The following VTI1A variants were observed in gnomAD, a reference collection of about 807,000 sequenced individuals.
VTI1A encodes vesicle transport through interaction with t-SNAREs homolog 1A.
A neutral mutation model predicts 34.9 loss-of-function variants in VTI1A; 22 were observed. That is an observed-to-expected ratio of 0.63 (90% CI 0.45 to 0.90). The LOEUF (loss-of-function observed/expected upper bound fraction) is 0.90, where lower values mean the gene tolerates loss of function less well. Among genes scored for constraint, VTI1A ranks in the 40% least tolerant of loss-of-function variants. VTI1A has a pLI of 0.00. For synonymous variants in VTI1A, 87 were observed against 97.3 expected (o/e 0.89, Z 0.62); for missense variants, 268 against 275.6 (o/e 0.97, Z 0.20).
chr10:112,618,522 T>TAGAGAGAGAGAGAGAGAGAGAG (rs1350356577), intron 5 of VTI1A, among the ~76,000 whole-genome samples: 18 of 43,668 alleles, frequency 4.1e-4, no homozygotes, highest in African/African-American at 1.1e-3. Flanking sequence ...TATATATATA[T>TAGAGAGAGAGAGAGAGAGAGAG]ATAGAGAGAG....
rs975663069 is a variant in VTI1A at position 112,767,697 on chromosome 10, G to A, written c.561-47593G>A. 6.8e-6 allele frequency among the ~76,000 whole-genome samples: 1 copy of A among 147,372 alleles called. No homozygotes were observed. The highest frequency in any genetic ancestry group is 1.5e-5 in the Non-Finnish European group (1 of 66,794). The stretch of plus-strand genomic sequence containing the variant: ...TCTTCCTTACTCTTTTTTTTTTTCT[G>A]TTTCTCTGTATTCTCCCAATTTTCT... On this transcript the variant is annotated intron_variant, in intron 7 of 7. Transcript: ENST00000393077. The surrounding 1 kb of genome is among the most constrained non-coding windows in gnomAD (Gnocchi z 4.0).
At chr10:112,751,503 G>T (rs1851106787) in intron 7 of VTI1A, among the ~76,000 whole-genome samples, 2 of 142,580 alleles carry the variant, frequency 1.4e-5, no homozygotes, top group South Asian at 2.2e-4. Context: ...AAAAAGCCCT[G>T]CAAGCTGCAT....
chr10:112,662,256 T>TG (rs1847488474), intron 5 of VTI1A, among the ~76,000 whole-genome samples: 1 of 152,236 alleles, frequency 6.6e-6, no homozygotes. Context: ...ACCGTTTTTT[T>TG]GTCTCTAATA....
intron 7 of VTI1A, among the ~76,000 whole-genome samples, chr10:112,671,541 G>T (rs538024473): frequency 6.6e-6 from 1 of 152,252 alleles, no homozygotes; most frequent in Admixed American, 6.5e-5. Flanking sequence ...AAGATTGCAG[G>T]TTATTTTTAA....
At chr10:112,527,677 C>CAG (rs954589256) in intron 4 of VTI1A, among the ~76,000 whole-genome samples, 4 of 150,678 alleles carry the variant, frequency 2.7e-5, no homozygotes, top group Middle Eastern at 3.2e-3. Context: ...GATACCCATA[C>CAG]AGAGGAACTG....
chr10:112,813,912 G>A (rs572860874), intron 7 of VTI1A, among the ~76,000 whole-genome samples: 1 of 152,322 alleles, frequency 6.6e-6, no homozygotes, highest in African/African-American at 2.4e-5. Context: ...CGGAAGACGT[G>A]TCAGCAAATG....
At chr10:112,627,813 A>G (rs1339621730) in intron 5 of VTI1A, among the ~76,000 whole-genome samples, 1 of 152,176 alleles carries the variant, frequency 6.6e-6, no homozygotes, top group East Asian at 1.9e-4. Context: ...GAGACAGGCA[A>G]TATATCAATA....
intron 7 of VTI1A, among the ~76,000 whole-genome samples, chr10:112,781,957 C>T (rs1852143746): frequency 6.6e-6 from 1 of 152,200 alleles, no homozygotes; most frequent in South Asian, 2.1e-4. Context: ...GTATTACCCC[C>T]AGGAAACCTC....
intron 3 of VTI1A, among the ~76,000 whole-genome samples, chr10:112,510,889 C>A (rs754916634): frequency 6.6e-6 from 1 of 151,958 alleles, no homozygotes; most frequent in Non-Finnish European, 1.5e-5. Flanking sequence ...AGGAAAACAC[C>A]ATCATATGGG....
At chr10:112,754,835 A>G (rs978893740) in intron 7 of VTI1A, among the ~76,000 whole-genome samples, 3 of 152,216 alleles carry the variant, frequency 2.0e-5, no homozygotes, top group Admixed American at 6.5e-5. Flanking sequence ...GAAAAGAATT[A>G]GTACTTCTCT....
intron 5 of VTI1A, among the ~76,000 whole-genome samples, chr10:112,639,871 C>T (rs1330981627): frequency 6.6e-6 from 1 of 152,190 alleles, no homozygotes; most frequent in African/African-American, 2.4e-5. Flanking sequence ...CAGTTTTCTG[C>T]TTTGAAGACT....
chr10:112,789,327 A>G (rs1170019995), intron 7 of VTI1A, among the ~76,000 whole-genome samples: 1 of 152,182 alleles, frequency 6.6e-6, no homozygotes, highest in Non-Finnish European at 1.5e-5. Context: ...CTTGGTTGAT[A>G]AGTCCCCCAC....
At chr10:112,535,596 G>A (rs897811986) in intron 4 of VTI1A, among the ~76,000 whole-genome samples, 3 of 152,174 alleles carry the variant, frequency 2.0e-5, no homozygotes, top group Non-Finnish European at 4.4e-5. Flanking sequence ...TGTTGGCTCT[G>A]CCGAGCTCCG....
intron 5 of VTI1A, among the ~76,000 whole-genome samples, chr10:112,593,302 T>A (rs1000018895): frequency 6.6e-6 from 1 of 152,230 alleles, no homozygotes; most frequent in Non-Finnish European, 1.5e-5. Flanking sequence ...CCCAGCTATT[T>A]CTGAAGACTG....
At chr10:112,575,027 C>G (rs1170621076) in intron 5 of VTI1A, among the ~76,000 whole-genome samples, 1 of 152,202 alleles carries the variant, frequency 6.6e-6, no homozygotes, top group African/African-American at 2.4e-5. Context: ...CATGTTTACA[C>G]AGCCAGGTAG....
intron 5 of VTI1A, among the ~76,000 whole-genome samples, chr10:112,656,653 G>A (rs1247382564): frequency 6.6e-6 from 1 of 151,338 alleles, no homozygotes; most frequent in Non-Finnish European, 1.5e-5. Context: ...ATAGGCATGA[G>A]CCACCACACC....
At chr10:112,536,173 T>C (rs1237149019) in intron 4 of VTI1A, among the ~76,000 whole-genome samples, 1 of 152,236 alleles carries the variant, frequency 6.6e-6, no homozygotes, top group Non-Finnish European at 1.5e-5. Flanking sequence ...AAATCTCTAA[T>C]AACTAAATGT....
intron 7 of VTI1A, among the ~76,000 whole-genome samples, chr10:112,745,362 C>A (rs894684375): frequency 6.6e-6 from 1 of 151,972 alleles, no homozygotes; most frequent in South Asian, 2.1e-4. Flanking sequence ...TATATATGAG[C>A]TGTAGGATTT....
chr10:112,821,095 T>G (rs969825233), downstream of VTI1A, among the ~76,000 whole-genome samples: 1 of 152,156 alleles, frequency 6.6e-6, no homozygotes, highest in Non-Finnish European at 1.5e-5. Flanking sequence ...TCGTGCTACA[T>G]GAAGAACTCA....
Sources: gnomAD v4.1 joint callset for allele counts (sites outside exome capture counted in the v4.1 genomes callset) on GRCh38, gnomAD v4.1.1 for gene constraint, Gnocchi (gnomAD v3.1) non-coding constraint, MANE v1.5 for transcripts, NCBI Gene and HGNC (gene_info 2026-07-23, HGNC 2026-07-21) for gene names.